Variants in PARD3 observed in about 807,000 individuals in gnomAD.
PARD3 encodes the protein par-3 family cell polarity regulator.
Under a neutral mutation model 155.4 loss-of-function variants are expected in PARD3, and 75 were observed. The ratio of observed to expected loss-of-function variants is 0.48; its 90% confidence interval spans 0.40 to 0.58. PARD3 has a LOEUF of 0.58. Among genes scored for constraint, PARD3 ranks in the 20% least tolerant of loss-of-function variants. The pLI is 0.00. For synonymous variants in PARD3, 576 were observed against 610.5 expected (o/e 0.94, Z 0.83); for missense variants, 1,642 against 1,721.7 (o/e 0.95, Z 0.82).
At chr10:34,214,658 A>G (rs1485044268) in intron 22 of PARD3, among the ~76,000 whole-genome samples, 2 of 151,876 alleles carry the variant, frequency 1.3e-5, no homozygotes, top group Non-Finnish European at 2.9e-5. Flanking sequence ...CTCTGCAAAA[A>G]ATAAAAAAAA....
intron 1 of PARD3, among the ~76,000 whole-genome samples, chr10:34,747,131 G>T (rs1462915029): frequency 6.6e-6 from 1 of 152,146 alleles, no homozygotes; most frequent in East Asian, 1.9e-4. Flanking sequence ...AGATTATAAA[G>T]AACAGAAATT....
intron 1 of PARD3, among the ~76,000 whole-genome samples, chr10:34,710,521 A>C (rs2094434822): frequency 6.6e-6 from 1 of 152,108 alleles, no homozygotes; most frequent in African/African-American, 2.4e-5. Context: ...TGCTACATTT[A>C]TCTTCACAAA....
In PARD3 at chr10:34,378,117, GA is replaced by G; in HGVS notation, c.1400-12del. 6.4e-7 allele frequency: 1 copy of G among 1,564,384 alleles called. No homozygotes were observed. The highest frequency in any genetic ancestry group is 8.6e-7 in the Non-Finnish European group (1 of 1,158,690). ...CCAAACCTTCTGTACCTAGGTATGTGAAGGAGAAGAAAAGTAAATAAAATGA... is the reference window on the plus strand; with the variant it reads ...CCAAACCTTCTGTACCTAGGTATGTGAGGAGAAGAAAAGTAAATAAAATGA... On this transcript the variant is annotated splice_polypyrimidine_tract_variant and intron_variant, in intron 9 of 24. Transcript: ENST00000374788.
At chr10:34,600,152 T>A (rs1467928185) in intron 2 of PARD3, among the ~76,000 whole-genome samples, 1 of 144,954 alleles carries the variant, frequency 6.9e-6, no homozygotes, top group Non-Finnish European at 1.5e-5. Flanking sequence ...CTGGGCAACA[T>A]GGTAAAACTC....
At chr10:34,156,950 G>C (rs1226184101) in intron 22 of PARD3, among the ~76,000 whole-genome samples, 1 of 151,990 alleles carries the variant, frequency 6.6e-6, no homozygotes, top group Non-Finnish European at 1.5e-5. Flanking sequence ...GAAAAAAGGA[G>C]GGGAAAAAAA....
At position 34,464,326 on chromosome 10, in the gene PARD3, C is replaced by T. The variant is rs568857750; in HGVS notation, c.582+5759G>A. Among the ~76,000 whole-genome samples the T allele has an allele frequency of 6.8e-4, 104 of 152,190 alleles. 1 individual carries two copies. In the South Asian group the frequency reaches 7.9e-3, roughly 12 times the overall value. ...TAAGTTCTGGAACTCAGGAATAGTA[C>T]CAGCTGCTTGTTTCCTTCACCACCA... On this transcript the variant is annotated intron_variant, in intron 4 of 24. Coordinates refer to ENST00000374788, the MANE Select transcript of PARD3 (RefSeq NM_001184785.2).
intron 5 of PARD3, among the ~76,000 whole-genome samples, chr10:34,405,190 C>G (rs1223790911): frequency 1.3e-5 from 2 of 151,808 alleles, no homozygotes; most frequent in Non-Finnish European, 2.9e-5. Flanking sequence ...TTACATGGTG[C>G]CTGACACATA....
chr10:34,590,464 T>A (rs1049481570), intron 2 of PARD3, among the ~76,000 whole-genome samples: 1 of 152,246 alleles, frequency 6.6e-6, no homozygotes, highest in Non-Finnish European at 1.5e-5. Context: ...TAATACTGTA[T>A]AATCCATAGT....
Position 34,111,510 on chromosome 10 carries a change from A to G in PARD3, c.3721T>C (p.Tyr1241His). Residue 1241 changes from tyrosine (Y) to histidine (H), a missense_variant, in exon 25 of 25, where the codon TAC becomes CAC. Transcript: ENST00000374788. The stretch of plus-strand genomic sequence containing the variant: ...CTCTGGAAGCCTTCCCCAGGGGAGT[A>G]GTTCTGCTCCCAAGAGTCCTGGGAG... ...SVSQDSWEQN[Y>H]SPGEGFQSAK... The G allele has an allele frequency of 6.2e-7, 1 of 1,613,358 alleles. No individual in the cohort carries two copies. Among genetic ancestry groups the G allele is most frequent in the Non-Finnish European group, 8.5e-7 (1 of 1,179,520 alleles).
chr10:34,773,199 C>T (rs1484768458), intron 1 of PARD3, among the ~76,000 whole-genome samples: 1 of 152,122 alleles, frequency 6.6e-6, no homozygotes, highest in East Asian at 1.9e-4. Flanking sequence ...AAACGCTTGC[C>T]CCACAACTAA....
At chr10:34,775,317 G>A (rs2134123998) in intron 1 of PARD3, among the ~76,000 whole-genome samples, 1 of 152,096 alleles carries the variant, frequency 6.6e-6, no homozygotes, top group South Asian at 2.1e-4. Context: ...CAGGAGTTGA[G>A]ACCAGCCTGG....
chr10:34,804,141 C>T (rs1038382140), intron 1 of PARD3, among the ~76,000 whole-genome samples: 1 of 151,572 alleles, frequency 6.6e-6, no homozygotes, highest in African/African-American at 2.4e-5. Flanking sequence ...TCAAGCCATT[C>T]TCACTACTCA....
chr10:34,693,115 G>A (rs990117697), intron 2 of PARD3, among the ~76,000 whole-genome samples: 19 of 152,168 alleles, frequency 1.2e-4, no homozygotes, highest in Admixed American at 8.5e-4. Flanking sequence ...GCTGGCAAGG[G>A]TGTGGAGAAA....
intron 2 of PARD3, among the ~76,000 whole-genome samples, chr10:34,587,065 T>C (rs1160089989): frequency 1.3e-5 from 2 of 152,130 alleles, no homozygotes; most frequent in African/African-American, 4.8e-5. Context: ...TGGGTAGACA[T>C]GGTAAATTAA....
chr10:34,494,252 T>C (rs570505689), intron 3 of PARD3, among the ~76,000 whole-genome samples: 25 of 152,180 alleles, frequency 1.6e-4, no homozygotes, highest in African/African-American at 5.1e-4. Context: ...CAAAGAGAAG[T>C]TTTACCAGAC....
intron 2 of PARD3, among the ~76,000 whole-genome samples, chr10:34,662,956 C>T (rs1361355718): frequency 2.0e-5 from 3 of 151,752 alleles, no homozygotes; most frequent in Non-Finnish European, 4.4e-5. Context: ...TGCATGTTCT[C>T]ACTCATTTGT....
chr10:34,424,027 C>A (rs1211578075), intron 5 of PARD3, among the ~76,000 whole-genome samples: 1 of 152,126 alleles, frequency 6.6e-6, no homozygotes, highest in African/African-American at 2.4e-5. Context: ...TGAAGATTAA[C>A]CCTTAAATTC....
chr10:34,541,768 C>T (rs2083626222), intron 2 of PARD3, among the ~76,000 whole-genome samples: 1 of 152,228 alleles, frequency 6.6e-6, no homozygotes, highest in South Asian at 2.1e-4. Flanking sequence ...CATCAGTACA[C>T]ATCCCATCCA....
intron 20 of PARD3, among the ~76,000 whole-genome samples, chr10:34,296,927 A>G (rs61840246): frequency 0.074 from 11,256 of 152,212 alleles, 566 homozygotes; most frequent in Non-Finnish European, 0.1. Flanking sequence ...GAGCAAAACC[A>G]TCTCTTAAAA....
Sources: gnomAD v4.1 joint callset for allele counts (sites outside exome capture counted in the v4.1 genomes callset) on GRCh38, gnomAD v4.1.1 for gene constraint, MANE v1.5 for transcripts, NCBI Gene and HGNC (gene_info 2026-07-23, HGNC 2026-07-21) for gene names.